Variants in CYP39A1 observed in about 807,000 individuals in gnomAD.
CYP39A1 encodes the protein cytochrome P450 family 39 subfamily A member 1.
In CYP39A1, 49 loss-of-function variants were observed where a neutral mutation model predicts 58.1. The observed-to-expected ratio is 0.84, with a 90% CI of 0.67 to 1.07. The LOEUF (loss-of-function observed/expected upper bound fraction) is 1.07. CYP39A1 is among the 50% of genes least tolerant of loss of function. The pLI, the probability that CYP39A1 is intolerant of heterozygous loss-of-function variation, is 0.00. For missense variants in CYP39A1, 531 were observed against 539.4 expected (o/e 0.98, Z 0.16); for synonymous variants, 209 against 187.6 (o/e 1.11, Z -0.93).
chr6:46,641,346 A>C lies in CYP39A1; in HGVS notation c.313+817T>G, dbSNP rs114097994. Among the ~76,000 whole-genome samples, 30 of 152,300 alleles carry C rather than the reference A, an allele frequency of 2.0e-4. 1 individual carries two copies. In the South Asian group the frequency reaches 6.0e-3, roughly 30 times the overall value. Reference sequence around the variant, plus strand: ...AACAGGTTGTGATGATCATGCATACAAGAAGAAAAAATATATATAATTCTA... The same window carrying C: ...AACAGGTTGTGATGATCATGCATACCAGAAGAAAAAATATATATAATTCTA... On this transcript the variant is annotated intron_variant, in intron 2 of 11. Transcript: ENST00000275016.
At chr6:46,645,717 A>T (rs1055945416) in intron 1 of CYP39A1, among the ~76,000 whole-genome samples, 34 of 152,160 alleles carry the variant, frequency 2.2e-4, no homozygotes, top group African/African-American at 8.0e-4. Flanking sequence ...TCTTGCTGGG[A>T]ATAGCATTTG....
chr6:46,636,607 G>A, intron 4 of CYP39A1, 125 bp from the exon 5 acceptor site: 7 of 652,350 alleles, frequency 1.1e-5, no homozygotes, highest in Non-Finnish European at 1.8e-5. Context: ...TCATTTTCAG[G>A]TATAATTTCA....
At position 46,631,108 on chromosome 6, in the gene CYP39A1, T is replaced by A. The variant is rs562300688; in HGVS notation, c.733-38A>T. The A allele has an allele frequency of 1.4e-3, 1,952 of 1,423,102 alleles. 30 individuals are homozygous for A. In the South Asian group the frequency reaches 0.021, roughly 15 times the overall value. 88.2% of individuals were successfully genotyped at this position (1,423,102 alleles called of 1,614,324 possible). ...AATAAACATTGCCAAACCATGGCTA[T>A]GTGACAAATATCGATGTTAATAAAC... On this transcript the variant is annotated intron_variant, in intron 5 of 11. Coordinates refer to ENST00000275016, the MANE Select transcript of CYP39A1 (RefSeq NM_016593.5).
intron 1 of CYP39A1, among the ~76,000 whole-genome samples, chr6:46,645,041 C>A (rs1235831891): frequency 6.6e-6 from 1 of 151,980 alleles, no homozygotes; most frequent in African/African-American, 2.4e-5. Flanking sequence ...GATACTAGTC[C>A]TTTGTTGGAT....
In CYP39A1 at chr6:46,652,489, TGCACGG is replaced by T. The variant is rs770545597; in HGVS notation, c.88_93del (p.Pro30_Cys31del). On this transcript the variant is annotated inframe_deletion, in exon 1 of 12. Coordinates refer to ENST00000275016, the MANE Select transcript of CYP39A1 (RefSeq NM_016593.5). Reference sequence around the variant, plus strand: ...CCAATCCAAGGAATCCAGCCCTTGATGCACGGGGGTCTACGCAAATTCTTCCGCTGA... The same window carrying T: ...CCAATCCAAGGAATCCAGCCCTTGATGGGTCTACGCAAATTCTTCCGCTGA... The T allele has an allele frequency of 1.9e-6, 3 of 1,613,880 alleles. No individual in the cohort carries two copies. The African/African-American group carries it at 4.0e-5, about 22-fold the overall frequency.
At chr6:46,638,305 T>C (rs912959792) in intron 3 of CYP39A1, among the ~76,000 whole-genome samples, 1 of 152,164 alleles carries the variant, frequency 6.6e-6, no homozygotes, top group Admixed American at 6.6e-5. Flanking sequence ...TAATAGTAGC[T>C]AAGATATAGT....
intron 11 of CYP39A1, 83 bp downstream of exon 11, chr6:46,553,684 T>C: frequency 1.1e-6 from 1 of 874,450 alleles, no homozygotes; most frequent in Non-Finnish European, 1.9e-6. Context: ...AGCTCATCTC[T>C]AGTAATCAAA....
At chr6:46,605,548 CA>C (rs373925967) in intron 7 of CYP39A1, among the ~76,000 whole-genome samples, 229 of 152,226 alleles carry the variant, frequency 1.5e-3, no homozygotes, top group African/African-American at 5.1e-3. Flanking sequence ...CAATGCAATG[CA>C]GAAAACGTGG....
intron 8 of CYP39A1, among the ~76,000 whole-genome samples, chr6:46,589,415 T>C (rs982904041): frequency 3.3e-5 from 5 of 152,116 alleles, no homozygotes; most frequent in African/African-American, 1.2e-4. Context: ...ATTGTGCCAC[T>C]GTACTCTAGC....
chr6:46,639,790 C>A (rs1776218544), intron 2 of CYP39A1, 122 bp from the exon 3 acceptor site: 2 of 712,614 alleles, frequency 2.8e-6, no homozygotes, highest in South Asian at 2.0e-5. Flanking sequence ...TACATAAGGT[C>A]ACCTCCCATA....
chr6:46,616,164 TTTC>T (rs1561993918), intron 7 of CYP39A1, among the ~76,000 whole-genome samples: 1 of 2,296 alleles, frequency 4.4e-4, no homozygotes, highest in Non-Finnish European at 8.2e-4. Flanking sequence ...TTCTTTCTTT[TTTC>T]TTTCTTTCTT....
chr6:46,603,507 T>A (rs1773641814), intron 7 of CYP39A1, among the ~76,000 whole-genome samples: 1 of 152,162 alleles, frequency 6.6e-6, no homozygotes, highest in African/African-American at 2.4e-5. Context: ...CTTCCTTTTT[T>A]CTCCCCTTCC....
Position 46,652,494 on chromosome 6 carries a change from G to T in CYP39A1, c.89C>A (p.Pro30Gln), listed in dbSNP as rs768025149. The part of the protein sequence containing the change: ...LLQRKNLRRP[P>Q]CIKGWIPWIG... ...CCAAGGAATCCAGCCCTTGATGCAC[G>T]GGGGTCTACGCAAATTCTTCCGCTG... is the stretch of plus-strand genomic sequence containing the variant. Residue 30 changes from proline (P) to glutamine (Q), a missense_variant, in exon 1 of 12, where the codon CCG becomes CAG. Pro to Gln is a moderately conservative substitution (Grantham distance 76). Transcript: ENST00000275016. 1.1e-5 allele frequency: 18 copies of T among 1,613,234 alleles called. No homozygotes were observed. Among genetic ancestry groups the T allele is most frequent in the Non-Finnish European group, 1.5e-5 (18 of 1,179,300 alleles).
Position 46,651,241 on chromosome 6 carries a change from C to T in CYP39A1, c.177+1165G>A, listed in dbSNP as rs142234641. ...CACAATCAATACATGCACACAAACA[C>T]GCAAGAATGTTCACTGAAGCACTGG... On this transcript the variant is annotated intron_variant, in intron 1 of 11. Coordinates refer to ENST00000275016, the MANE Select transcript of CYP39A1 (RefSeq NM_016593.5). 8.7e-4 allele frequency among the ~76,000 whole-genome samples: 133 copies of T among 152,260 alleles called. 1 individual carries two copies. The highest frequency in any genetic ancestry group is 3.3e-3 in the East Asian group (17 of 5,188).
chr6:46,641,974 G>A (rs1776367340), intron 2 of CYP39A1, among the ~76,000 whole-genome samples, 189 bp downstream of exon 2: 2 of 152,108 alleles, frequency 1.3e-5, no homozygotes, highest in Non-Finnish European at 2.9e-5. Flanking sequence ...GTATTAGGCT[G>A]CCATTCATTT....
chr6:46,594,823 A>G lies in CYP39A1; in HGVS notation c.1065+1164T>C, dbSNP rs1773047547. Among the ~76,000 whole-genome samples the G allele has an allele frequency of 2.6e-5, 4 of 152,026 alleles. No individual in the cohort carries two copies. The South Asian group carries it at 8.3e-4, about 31-fold the overall frequency. On this transcript the variant is annotated intron_variant, in intron 8 of 11. Transcript: ENST00000275016. ...AAAATAGAAAAATGGGATTACATTA[A>G]ACTAAAAAGCTTATGTATAGCCAAA... is the stretch of plus-strand genomic sequence containing the variant.
chr6:46,591,030 C>T (rs1466146021), intron 8 of CYP39A1, among the ~76,000 whole-genome samples: 4 of 152,154 alleles, frequency 2.6e-5, no homozygotes, highest in African/African-American at 9.6e-5. Context: ...TCAGATGACA[C>T]AGGACATGCA....
chr6:46,608,744 A>C (rs986608753), intron 7 of CYP39A1, among the ~76,000 whole-genome samples: 1 of 152,012 alleles, frequency 6.6e-6, no homozygotes, highest in Non-Finnish European at 1.5e-5. Context: ...CCTCCCGAGT[A>C]GCTGGGACTA....
Position 46,596,108 on chromosome 6 carries a change from A to T in CYP39A1, c.944T>A (p.Ile315Asn). 1 of 1,601,204 alleles carries T rather than the reference A, an allele frequency of 6.2e-7. No homozygotes were observed. Among genetic ancestry groups the T allele is most frequent in the Non-Finnish European group, 8.5e-7 (1 of 1,175,704 alleles). ...CTCCAGGTCATCCTCAGACACTTTA[A>T]TCTTATCTTTGCCTGTAAAAAAATT... Reference protein sequence around the residue: ...SVFGKAGKDKIKVSEDDLENL... With the variant: ...SVFGKAGKDKNKVSEDDLENL... The change falls in exon 8 of 12, where the codon ATT becomes AAT. Residue 315 changes from isoleucine (I) to asparagine (N), a missense_variant. By Grantham distance (149) the Ile-to-Asn change is moderately radical. Coordinates refer to ENST00000275016, the MANE Select transcript of CYP39A1 (RefSeq NM_016593.5).
Sources: allele counts gnomAD v4.1 joint callset (sites outside exome capture counted in the v4.1 genomes callset), GRCh38; gene constraint gnomAD v4.1.1; transcripts MANE v1.5; gene names NCBI Gene and HGNC (gene_info 2026-07-23, HGNC 2026-07-21).